The following PDE6A variants were observed in gnomAD, a reference collection of about 807,000 sequenced individuals.
PDE6A encodes the protein rod cGMP-specific 3',5'-cyclic phosphodiesterase subunit alpha.
PDE6A carries 84 observed loss-of-function variants against 106.3 expected under a neutral mutation model. That is an observed-to-expected ratio of 0.79 (90% CI 0.66 to 0.95). The LOEUF (loss-of-function observed/expected upper bound fraction) is 0.95. Among genes scored for constraint, PDE6A ranks in the 40% least tolerant of loss-of-function variants. The pLI is 0.00. For missense variants in PDE6A, 1,052 were observed against 1,084.9 expected, an observed-to-expected ratio of 0.97 and a Z score of 0.43; for synonymous variants, 394 against 386.6, an observed-to-expected ratio of 1.02 and a Z score of -0.23.
In PDE6A at chr5:149,895,206, G is replaced by GC; in HGVS notation, c.1704dup (p.Gln569AlafsTer32). On this transcript the variant is annotated frameshift_variant, in exon 13 of 22. Transcript: ENST00000255266. LOFTEE classifies it high-confidence loss of function. ...ACCACCAGCAGGGAGAACATGGTCT[G>GC]CCCCACGTTGAAGCCGTGCCGCCAG... 6.2e-7 allele frequency: 1 copy of GC among 1,613,486 alleles called. No individual in the cohort carries two copies.
chr5:149,943,233 T>C (rs962435051), intron 1 of PDE6A, among the ~76,000 whole-genome samples: 23 of 152,226 alleles, frequency 1.5e-4, no homozygotes, highest in Non-Finnish European at 3.2e-4. Flanking sequence ...CCAAGCATAC[T>C]GCCTGCAAAC....
At chr5:149,921,849 C>T (rs72830289) in intron 4 of PDE6A, 140 bp from the exon 5 acceptor site, 3 of 726,462 alleles carry the variant, frequency 4.1e-6, no homozygotes, top group Non-Finnish European at 7.4e-6. Flanking sequence ...CTTGGAAAGG[C>T]AGTAAGACTC....
chr5:149,867,492 C>G (rs1026252287), intron 19 of PDE6A: 35 of 612,248 alleles, frequency 5.7e-5, no homozygotes, highest in African/African-American at 3.8e-4. Context: ...GGGCCCACCC[C>G]CAGAGCTTCT....
intron 17 of PDE6A, among the ~76,000 whole-genome samples, chr5:149,872,636 TACTC>T (rs1760604269): frequency 6.6e-6 from 1 of 152,110 alleles, no homozygotes; most frequent in African/African-American, 2.4e-5. Flanking sequence ...TCAGGACACT[TACTC>T]AGACCCTCCC....
intron 13 of PDE6A, among the ~76,000 whole-genome samples, chr5:149,893,861 C>G (rs1014837162): frequency 1.3e-5 from 2 of 152,136 alleles, no homozygotes; most frequent in Admixed American, 1.3e-4. Context: ...ACTCATGCTC[C>G]CAGATAGCTT....
intron 4 of PDE6A, among the ~76,000 whole-genome samples, chr5:149,925,660 T>C (rs977355391): frequency 1.3e-4 from 18 of 136,938 alleles, no homozygotes; most frequent in Non-Finnish European, 2.3e-4. Flanking sequence ...TGAGCCAAGA[T>C]CATGCCACTG....
At chr5:149,915,694 G>A (rs1178171287) in intron 5 of PDE6A, among the ~76,000 whole-genome samples, 1 of 152,170 alleles carries the variant, frequency 6.6e-6, no homozygotes, top group Admixed American at 6.5e-5. Flanking sequence ...CACAAGTTGG[G>A]ACATTTTTGT....
At position 149,903,631 on chromosome 5, in the gene PDE6A, A is replaced by G. The variant is rs1424779515; in HGVS notation, c.1113+17T>C. ...AAAAAATCATATGACTAAGACTGCA[A>G]ATAAAAAATGACTTACCTGAAATGC... is the stretch of plus-strand genomic sequence containing the variant. On this transcript the variant is annotated intron_variant, in intron 8 of 21. Coordinates refer to ENST00000255266, the MANE Select transcript of PDE6A (RefSeq NM_000440.3). 1 of 1,606,076 alleles carries G rather than the reference A, an allele frequency of 6.2e-7. No individual in the cohort carries two copies. Among genetic ancestry groups the G allele is most frequent in the South Asian group, 1.1e-5 (1 of 90,946 alleles).
intron 13 of PDE6A, among the ~76,000 whole-genome samples, chr5:149,886,751 T>C (rs1752322753): frequency 6.6e-6 from 1 of 152,222 alleles, no homozygotes; most frequent in Non-Finnish European, 1.5e-5. Flanking sequence ...GGAGAGTTTC[T>C]GAACATGGCC....
chr5:149,931,194 T>C lies in PDE6A; in HGVS notation c.718-26A>G, dbSNP rs145796067. ...CTGAAAAAACACAAAAACATATTCA[T>C]AGGTTTTGAGGTGCAAAGTAGTAGC... is the stretch of plus-strand genomic sequence containing the variant. On this transcript the variant is annotated intron_variant, in intron 3 of 21. Coordinates refer to ENST00000255266, the MANE Select transcript of PDE6A (RefSeq NM_000440.3). The C allele has an allele frequency of 3.7e-4, 596 of 1,613,636 alleles. 1 individual carries two copies. In the African/African-American group the frequency reaches 7.1e-3, roughly 19 times the overall value.
At position 149,944,652 on chromosome 5, in the gene PDE6A, C is replaced by T. The variant is rs2113673923; in HGVS notation, c.22G>A (p.Glu8Lys). MGEVTAEEVEKFLDSNIG... is the reference protein window; with the variant it reads MGEVTAEKVEKFLDSNIG... The stretch of plus-strand genomic sequence containing the variant: ...TTCGAGTCCAGGAACTTCTCCACCT[C>T]CTCTGCTGTCACCTCGCCCATGGCT... Residue 8 changes from glutamate (E) to lysine (K), a missense_variant, in exon 1 of 22, where the codon GAG (glutamate) becomes AAG (lysine). Coordinates refer to ENST00000255266, the MANE Select transcript of PDE6A (RefSeq NM_000440.3). 6.2e-7 allele frequency: 1 copy of T among 1,611,292 alleles called. No homozygotes were observed. The highest frequency in any genetic ancestry group is 2.2e-5 in the East Asian group (1 of 44,816).
At chr5:149,920,036 G>A (rs975635812) in intron 5 of PDE6A, among the ~76,000 whole-genome samples, 1 of 152,004 alleles carries the variant, frequency 6.6e-6, no homozygotes, top group Non-Finnish European at 1.5e-5. Flanking sequence ...ATGTTAAAGG[G>A]CCTAATTTAG....
intron 17 of PDE6A, among the ~76,000 whole-genome samples, chr5:149,870,018 G>T (rs1308219897): frequency 6.6e-6 from 1 of 152,216 alleles, no homozygotes; most frequent in Non-Finnish European, 1.5e-5. Context: ...GCCTGGCACA[G>T]TGGCTCACAC....
chr5:149,880,905 C>T (rs112440182), intron 17 of PDE6A, among the ~76,000 whole-genome samples: 12,569 of 151,782 alleles, frequency 0.083, 674 homozygotes, highest in South Asian at 0.22. Flanking sequence ...CCAAAAAATA[C>T]AAAAAAATTT....
intron 7 of PDE6A, among the ~76,000 whole-genome samples, chr5:149,907,050 G>T (rs1375363828): frequency 2.0e-5 from 3 of 152,208 alleles, no homozygotes; most frequent in Non-Finnish European, 2.9e-5. Flanking sequence ...GGGATTATAG[G>T]CGTGAGCCAC....
chr5:149,936,271 C>T (rs930612851), intron 1 of PDE6A, among the ~76,000 whole-genome samples: 2 of 152,078 alleles, frequency 1.3e-5, no homozygotes, highest in Admixed American at 1.3e-4. Flanking sequence ...AAATAGTCAA[C>T]AGCATTATTA....
intron 17 of PDE6A, among the ~76,000 whole-genome samples, chr5:149,878,526 G>A (rs1415892011): frequency 6.6e-6 from 1 of 152,170 alleles, no homozygotes; most frequent in African/African-American, 2.4e-5. Flanking sequence ...ATCTGGAGGG[G>A]AAATCCTGGA....
At position 149,920,963 on chromosome 5, in the gene PDE6A, A is replaced by AAAG. The variant is rs1254351516; in HGVS notation, c.933+669_933+671dup. 3.0e-4 allele frequency among the ~76,000 whole-genome samples: 38 copies of AAAG among 127,296 alleles called. 1 individual carries two copies. The highest frequency in any genetic ancestry group is 1.6e-3 in the African/African-American group (35 of 22,570). 83.5% of individuals were successfully genotyped at this position (127,296 alleles called of 152,430 possible). A position where few individuals can be genotyped will look rare whatever the true frequency, so the allele number is the denominator to read the frequency against. ...GAGAAAAAGAAAGAAAGAAAGAAAG[A>AAAG]AAGAAAGAAAGAAAGAAAGAAAGAA... On this transcript the variant is annotated intron_variant, in intron 5 of 21. Transcript: ENST00000255266.
At chr5:149,890,217 A>G (rs765041162) in intron 13 of PDE6A, among the ~76,000 whole-genome samples, 2 of 152,082 alleles carry the variant, frequency 1.3e-5, no homozygotes, top group Non-Finnish European at 2.9e-5. Flanking sequence ...TCAGTCTCCC[A>G]AAGTGCTGAG....
Sources: allele counts gnomAD v4.1 joint callset (sites outside exome capture counted in the v4.1 genomes callset), GRCh38; gene constraint gnomAD v4.1.1; transcripts MANE v1.5; gene names NCBI Gene and HGNC (gene_info 2026-07-23, HGNC 2026-07-21).